LRBA: variants seen among roughly 807,000 people sequenced by gnomAD.
LRBA encodes the protein LPS responsive beige-like anchor protein, also known as lipopolysaccharide-responsive and beige-like anchor protein.
Under a neutral mutation model 330.0 loss-of-function variants are expected in LRBA, and 176 were observed. That is an observed-to-expected ratio of 0.53 (90% CI 0.47 to 0.60). The LOEUF is 0.60. Ranked by LOEUF, LRBA falls within the 20% of genes least tolerant of loss-of-function variation. LRBA has a pLI of 0.00. For missense variants in LRBA, 3,259 were observed against 3,444.8 expected, an observed-to-expected ratio of 0.95 and a Z score of 1.35; for synonymous variants, 1,230 against 1,193.0, an observed-to-expected ratio of 1.03 and a Z score of -0.64.
chr4:150,804,686 T>C (rs1003025283), intron 33 of LRBA, among the ~76,000 whole-genome samples: 1 of 152,184 alleles, frequency 6.6e-6, no homozygotes, highest in Non-Finnish European at 1.5e-5. Flanking sequence ...AATACAAGTA[T>C]ATTATCCTAA....
intron 47 of LRBA, among the ~76,000 whole-genome samples, chr4:150,397,563 C>T (rs1358832619): frequency 3.3e-5 from 5 of 152,172 alleles, no homozygotes; most frequent in Non-Finnish European, 5.9e-5. Flanking sequence ...TAGATATGTG[C>T]CACCATGCCA....
At chr4:150,497,985 C>T (rs13144840) in intron 40 of LRBA, among the ~76,000 whole-genome samples, 1 of 152,180 alleles carries the variant, frequency 6.6e-6, no homozygotes, top group Non-Finnish European at 1.5e-5. Flanking sequence ...ACAGAAATTT[C>T]TCTTCTGCAA....
intron 37 of LRBA, among the ~76,000 whole-genome samples, chr4:150,674,392 G>T (rs1782344110): frequency 6.7e-6 from 1 of 149,428 alleles, no homozygotes. Context: ...AAACAGTAAA[G>T]TCTAAAAAAA....
chr4:150,399,953 G>T (rs1302874519), intron 47 of LRBA, among the ~76,000 whole-genome samples: 1 of 151,240 alleles, frequency 6.6e-6, no homozygotes, highest in East Asian at 2.0e-4. Context: ...TCCAGCCAGG[G>T]TGATGAAGTG....
At position 150,992,335 on chromosome 4, in the gene LRBA, C is replaced by T. The variant is rs184815922; in HGVS notation, c.216+22092G>A. Among the ~76,000 whole-genome samples the T allele has an allele frequency of 3.6e-4, 52 of 143,922 alleles. No individual in the cohort carries two copies. In the Middle Eastern group the frequency reaches 0.015, roughly 41 times the overall value. 94.4% of individuals were successfully genotyped at this position (143,922 alleles called of 152,430 possible). A position where few individuals can be genotyped will look rare whatever the true frequency, so the allele number is the denominator to read the frequency against. On this transcript the variant is annotated intron_variant, in intron 2 of 56. Transcript: ENST00000651943. ...CGTCTCAAAAAAAAAAAAAAGGTAA[C>T]GAGCATGATGATGACAGACCAAGAA...
In LRBA at chr4:150,943,095, C is replaced by T. The variant is rs185348705; in HGVS notation, c.217-14030G>A. On this transcript the variant is annotated intron_variant, in intron 2 of 56. Coordinates refer to ENST00000651943, the MANE Select transcript of LRBA (RefSeq NM_001364905.1). The stretch of plus-strand genomic sequence containing the variant: ...TTTTCACAGAATAATGGTATGTCTA[C>T]AAAAGTGTTAAGAAAAAAGGTTCCA... 6.6e-5 allele frequency among the ~76,000 whole-genome samples: 10 copies of T among 152,052 alleles called. No individual in the cohort carries two copies. The East Asian group carries it at 1.9e-3, about 29-fold the overall frequency.
At chr4:150,316,051 G>C (rs1419155610) in intron 50 of LRBA, among the ~76,000 whole-genome samples, 1 of 152,158 alleles carries the variant, frequency 6.6e-6, no homozygotes, top group Non-Finnish European at 1.5e-5. Context: ...ACTTATGATG[G>C]AGAAAGGGAA....
intron 4 of LRBA, among the ~76,000 whole-genome samples, chr4:150,924,160 C>T (rs1160103831): frequency 6.6e-6 from 1 of 152,142 alleles, no homozygotes; most frequent in Non-Finnish European, 1.5e-5. Context: ...AAGATAAGCA[C>T]TTTACTTGAC....
chr4:150,360,627 T>C (rs1307605940), intron 47 of LRBA, among the ~76,000 whole-genome samples: 1 of 152,198 alleles, frequency 6.6e-6, no homozygotes, highest in East Asian at 1.9e-4. Flanking sequence ...TTAACACTTT[T>C]AAAATACACC....
intron 20 of LRBA, among the ~76,000 whole-genome samples, chr4:150,869,238 AG>A (rs1365587426): frequency 6.6e-6 from 1 of 152,102 alleles, no homozygotes; most frequent in African/African-American, 2.4e-5. Flanking sequence ...GAATTTTTAA[AG>A]GTGTGAAGAT....
intron 2 of LRBA, among the ~76,000 whole-genome samples, chr4:150,995,492 A>C (rs1742527853): frequency 6.6e-6 from 1 of 152,108 alleles, no homozygotes; most frequent in Non-Finnish European, 1.5e-5. Flanking sequence ...AGTATGACTG[A>C]GGAAAAGAAA....
At chr4:150,701,348 T>G (rs759240968) in intron 36 of LRBA, among the ~76,000 whole-genome samples, 5 of 152,178 alleles carry the variant, frequency 3.3e-5, no homozygotes, top group Non-Finnish European at 7.3e-5. Context: ...ATAACAAGCA[T>G]AGTATAGTAA....
intron 2 of LRBA, among the ~76,000 whole-genome samples, chr4:151,005,507 T>C (rs1444973845): frequency 7.0e-6 from 1 of 142,526 alleles, no homozygotes; most frequent in Non-Finnish European, 1.5e-5. Flanking sequence ...GAATGAATAC[T>C]AGAAAACTAT....
intron 2 of LRBA, among the ~76,000 whole-genome samples, chr4:150,999,977 T>A (rs780338559): frequency 6.6e-6 from 1 of 152,222 alleles, no homozygotes; most frequent in South Asian, 2.1e-4. Context: ...ATATACACTA[T>A]GTTTTTTTGT....
chr4:150,549,738 A>G (rs1019087685), intron 40 of LRBA, among the ~76,000 whole-genome samples: 10 of 152,228 alleles, frequency 6.6e-5, no homozygotes, highest in African/African-American at 2.4e-4. Flanking sequence ...TCTTGTTTTC[A>G]TAACAACCTT....
chr4:150,958,582 T>C (rs144030020), intron 2 of LRBA, among the ~76,000 whole-genome samples: 4,122 of 149,314 alleles, frequency 0.028, 726 homozygotes, highest in African/African-American at 0.1. Flanking sequence ...CTGGCTTGAA[T>C]TTCTCCTCAG....
intron 56 of LRBA, among the ~76,000 whole-genome samples, chr4:150,269,946 A>AAAAC (rs1290626568): frequency 4.6e-5 from 7 of 152,236 alleles, no homozygotes; most frequent in African/African-American, 1.7e-4. Flanking sequence ...CCTGTCTCAA[A>AAAAC]AAACAAACAA....
rs569029146 is a variant in LRBA, at chr4:150,582,921, G to T, written c.6330+5127C>A. ...CGAGAGTGAAAGTAGGGCTTAACGG[G>T]GAGCGCACCGCCTCTTTCGAAAGCC... On this transcript the variant is annotated intron_variant, in intron 40 of 56. Transcript: ENST00000651943. 1.7e-5 allele frequency: 22 copies of T among 1,314,326 alleles called. No homozygotes were observed. In the South Asian group the frequency reaches 3.0e-4, roughly 18 times the overall value. 81.4% of individuals were successfully genotyped at this position (1,314,326 alleles called of 1,614,324 possible). A position where few individuals can be genotyped will look rare whatever the true frequency, so the allele number is the denominator to read the frequency against.
intron 40 of LRBA, among the ~76,000 whole-genome samples, chr4:150,528,723 A>C (rs557091366): frequency 1.3e-5 from 2 of 152,288 alleles, no homozygotes; most frequent in South Asian, 4.1e-4. Flanking sequence ...TTAGGTAGAT[A>C]ATATCTTACT....
Sources: gnomAD v4.1 joint callset for allele counts (sites outside exome capture counted in the v4.1 genomes callset) on GRCh38, gnomAD v4.1.1 for gene constraint, MANE v1.5 for transcripts, NCBI Gene and HGNC (gene_info 2026-07-23, HGNC 2026-07-21) for gene names.